ADCY2: variants seen among roughly 807,000 people sequenced by gnomAD.
ADCY2 encodes the protein adenylate cyclase 2, also known as adenylate cyclase type 2.
A neutral mutation model predicts 125.2 loss-of-function variants in ADCY2; 31 were observed. The ratio of observed to expected loss-of-function variants is 0.25; its 90% CI spans 0.19 to 0.33. The LOEUF (loss-of-function observed/expected upper bound fraction) is 0.33, where lower values mean the gene tolerates loss of function less well. Among genes scored for constraint, ADCY2 ranks in the 10% least tolerant of loss-of-function variants. ADCY2 has a pLI of 1.00. For missense variants in ADCY2, 904 were observed against 1,418.2 expected, an observed-to-expected ratio of 0.64 and a Z score of 5.82; for synonymous variants, 512 against 548.4, an observed-to-expected ratio of 0.93 and a Z score of 0.93.
At chr5:7,406,325 T>C (rs1378984866) in intron 1 of ADCY2, among the ~76,000 whole-genome samples, 1 of 152,178 alleles carries the variant, frequency 6.6e-6, no homozygotes, top group East Asian at 1.9e-4. Flanking sequence ...CAAGCCTGGG[T>C]GTGGCTTCTG....
At chr5:7,738,250 T>G (rs994718302) in intron 14 of ADCY2, among the ~76,000 whole-genome samples, 1 of 152,202 alleles carries the variant, frequency 6.6e-6, no homozygotes, top group Non-Finnish European at 1.5e-5. Context: ...TTGTGTCATG[T>G]ATTTTTTGAA....
intron 4 of ADCY2, among the ~76,000 whole-genome samples, chr5:7,638,202 G>A (rs561467449): frequency 1.3e-5 from 2 of 152,188 alleles, no homozygotes; most frequent in South Asian, 4.1e-4. Flanking sequence ...TTTTGTGTGT[G>A]GTCCTATTTT....
chr5:7,594,622 T>C (rs1736949379), intron 3 of ADCY2, among the ~76,000 whole-genome samples: 3 of 152,220 alleles, frequency 2.0e-5, no homozygotes, highest in African/African-American at 7.2e-5. Flanking sequence ...GTTTATGCAT[T>C]TGTTGTTATT....
At chr5:7,818,893 C>G (rs1339290308) in intron 23 of ADCY2, among the ~76,000 whole-genome samples, 2 of 151,824 alleles carry the variant, frequency 1.3e-5, no homozygotes, top group Non-Finnish European at 2.9e-5. Context: ...TCTGGAGGGA[C>G]AGAAATAATA....
chr5:7,470,888 G>A (rs912574557), intron 2 of ADCY2, among the ~76,000 whole-genome samples: 4 of 151,626 alleles, frequency 2.6e-5, no homozygotes, highest in Non-Finnish European at 4.4e-5. Flanking sequence ...TTCCAACTAC[G>A]ATTTGAGTTT....
intron 12 of ADCY2, among the ~76,000 whole-genome samples, chr5:7,720,805 A>G (rs1287612121): frequency 1.3e-5 from 2 of 152,178 alleles, no homozygotes; most frequent in Non-Finnish European, 2.9e-5. Context: ...ACTGATGGAC[A>G]TTTGGGTTGG....
chr5:7,485,885 G>A (rs1742907315), intron 2 of ADCY2, among the ~76,000 whole-genome samples: 1 of 152,072 alleles, frequency 6.6e-6, no homozygotes. Flanking sequence ...GATAATAAAA[G>A]GAGTGATCTA....
chr5:7,782,076 G>C (rs931501867), intron 18 of ADCY2: 3 of 164,264 alleles, frequency 1.8e-5, no homozygotes, highest in African/African-American at 7.2e-5. Context: ...AAGAGAAAAA[G>C]GCAGCCGTGT....
At chr5:7,678,790 A>G (rs1579307532) in intron 4 of ADCY2, among the ~76,000 whole-genome samples, 1 of 152,182 alleles carries the variant, frequency 6.6e-6, no homozygotes, top group Non-Finnish European at 1.5e-5. Flanking sequence ...TATGTAATTT[A>G]CCCATTGTCC....
Position 7,397,445 on chromosome 5 carries a change from G to GTTTTTTT in ADCY2, c.210+961_210+967dup, listed in dbSNP as rs767411861. Among the ~76,000 whole-genome samples the GTTTTTTT allele has an allele frequency of 2.6e-4, 18 of 70,102 alleles. 1 individual carries two copies. The highest frequency in any genetic ancestry group is 6.4e-4 in the East Asian group (1 of 1,558). The allele number at this position is 70,102 out of a possible 152,430, so 46.0% of individuals were successfully genotyped here. A position where few individuals can be genotyped will look rare whatever the true frequency, so the allele number is the denominator to read the frequency against. Reference sequence around the variant, plus strand: ...CGAGGCATTGATTATCCACCAGTGAGTTTTTTTTTTTTTTTTTTTTTTTTT... The same window carrying GTTTTTTT: ...CGAGGCATTGATTATCCACCAGTGAGTTTTTTTTTTTTTTTTTTTTTTTTTTTTTTTT... On this transcript the variant is annotated intron_variant, in intron 1 of 24. Coordinates refer to ENST00000338316, the MANE Select transcript of ADCY2 (RefSeq NM_020546.3).
chr5:7,623,189 G>A (rs1324329026), intron 3 of ADCY2, among the ~76,000 whole-genome samples: 2 of 152,130 alleles, frequency 1.3e-5, no homozygotes, highest in African/African-American at 4.8e-5. Flanking sequence ...TTTTTATTTT[G>A]GAGAAATGTA....
At chr5:7,575,131 G>A (rs1273601391) in intron 3 of ADCY2, among the ~76,000 whole-genome samples, 2 of 151,968 alleles carry the variant, frequency 1.3e-5, no homozygotes, top group Non-Finnish European at 1.5e-5. Context: ...TTTCAGACCA[G>A]CCTGAAAAAC....
intron 2 of ADCY2, among the ~76,000 whole-genome samples, chr5:7,457,479 C>T (rs116532801): frequency 0.019 from 2,843 of 152,182 alleles, 86 homozygotes; most frequent in African/African-American, 0.065. Context: ...GAATGGAAGG[C>T]GCATTCAAGG....
At chr5:7,486,124 T>A (rs550307851) in intron 2 of ADCY2, among the ~76,000 whole-genome samples, 1 of 152,190 alleles carries the variant, frequency 6.6e-6, no homozygotes, top group Non-Finnish European at 1.5e-5. Context: ...TGGGGAAACT[T>A]TGTCTCTAGG....
At chr5:7,422,134 A>C (rs1015430902) in intron 2 of ADCY2, among the ~76,000 whole-genome samples, 11 of 152,184 alleles carry the variant, frequency 7.2e-5, no homozygotes, top group South Asian at 2.1e-4. Context: ...AACAAACAAA[A>C]AAACAAAACT....
intron 2 of ADCY2, among the ~76,000 whole-genome samples, chr5:7,501,648 C>CCCA (rs1554014536): frequency 2.5e-5 from 2 of 81,040 alleles, no homozygotes; most frequent in African/African-American, 9.4e-5. Context: ...TTCCCCCCTC[C>CCCA]CCCCCCCCCC....
At chr5:7,678,196 G>A (rs989568381) in intron 4 of ADCY2, among the ~76,000 whole-genome samples, 9 of 152,014 alleles carry the variant, frequency 5.9e-5, no homozygotes, top group African/African-American at 2.2e-4. Context: ...TTTCACTTTG[G>A]CAGGGCTGCA....
chr5:7,743,728 C>G lies in ADCY2; in HGVS notation c.1932C>G (p.Phe644Leu). The change falls in exon 15 of 25, where the codon TTC becomes TTG. Residue 644 changes from phenylalanine (F) to leucine (L), a missense_variant. Phe to Leu is a conservative substitution (Grantham distance 22, BLOSUM62 0). Transcript: ENST00000338316. ...AAFLLLAFIL[F>L]VCFAGQLLQC... ...TTCTCTTGCTGGCCTTCATCCTCTT[C>G]GTCTGCTTTGCTGGACAGCTTCTGG... 1 of 1,614,120 alleles carries G rather than the reference C, an allele frequency of 6.2e-7. No individual in the cohort carries two copies. Among genetic ancestry groups the G allele is most frequent in the Non-Finnish European group, 8.5e-7 (1 of 1,179,992 alleles).
chr5:7,548,485 A>AT (rs145866227), intron 3 of ADCY2, among the ~76,000 whole-genome samples: 1 of 152,082 alleles, frequency 6.6e-6, no homozygotes, highest in Non-Finnish European at 1.5e-5. Context: ...TTTGTAGCAA[A>AT]TTTTTTTAGA....
Sources: allele counts gnomAD v4.1 joint callset (sites outside exome capture counted in the v4.1 genomes callset), GRCh38; gene constraint gnomAD v4.1.1; transcripts MANE v1.5; gene names NCBI Gene and HGNC (gene_info 2026-07-23, HGNC 2026-07-21).